The following ZNF385B variants were observed in gnomAD, a reference collection of about 807,000 sequenced individuals.
ZNF385B encodes zinc finger protein 385B.
A neutral mutation model predicts 39.2 loss-of-function variants in ZNF385B; 23 were observed. The observed-to-expected ratio is 0.59, with a 90% confidence interval of 0.42 to 0.83. The LOEUF is 0.83. Ranked by LOEUF, ZNF385B falls within the 40% of genes least tolerant of loss-of-function variation. ZNF385B has a pLI of 0.00. For synonymous variants in ZNF385B, 205 were observed against 222.6 expected (o/e 0.92, Z 0.70); for missense variants, 552 against 598.9 (o/e 0.92, Z 0.82).
At chr2:179,806,131 G>T (rs1706335272) in intron 1 of ZNF385B, among the ~76,000 whole-genome samples, 1 of 152,044 alleles carries the variant, frequency 6.6e-6, no homozygotes, top group Non-Finnish European at 1.5e-5. Flanking sequence ...CATAAACAAT[G>T]TTAAAAGACA....
chr2:179,723,019 C>A (rs911906616), intron 3 of ZNF385B, among the ~76,000 whole-genome samples: 4 of 152,142 alleles, frequency 2.6e-5, no homozygotes, highest in African/African-American at 9.7e-5. Flanking sequence ...CATTTCACAA[C>A]CACCAGATTG....
intron 1 of ZNF385B, among the ~76,000 whole-genome samples, chr2:179,860,666 C>T (rs1174558576): frequency 6.6e-6 from 1 of 152,132 alleles, no homozygotes; most frequent in Non-Finnish European, 1.5e-5. Context: ...TCACACACCT[C>T]GGTCCCCTAA....
chr2:179,623,150 A>G (rs1690359059), intron 3 of ZNF385B, among the ~76,000 whole-genome samples: 1 of 152,234 alleles, frequency 6.6e-6, no homozygotes. Flanking sequence ...TATTTAAACT[A>G]GAACAGAAAA....
At chr2:179,779,696 C>T (rs1438182922) in intron 1 of ZNF385B, among the ~76,000 whole-genome samples, 1 of 152,128 alleles carries the variant, frequency 6.6e-6, no homozygotes, top group African/African-American at 2.4e-5. Context: ...ATCCCATCCA[C>T]ATGTCTTGCT....
At chr2:179,534,076 G>A (rs574774317) in intron 4 of ZNF385B, among the ~76,000 whole-genome samples, 1 of 152,148 alleles carries the variant, frequency 6.6e-6, no homozygotes, top group Non-Finnish European at 1.5e-5. Context: ...GCAGTCAAGT[G>A]ACTGTGATCT....
At chr2:179,601,689 G>A (rs1688421774) in intron 3 of ZNF385B, among the ~76,000 whole-genome samples, 1 of 152,064 alleles carries the variant, frequency 6.6e-6, no homozygotes, top group Non-Finnish European at 1.5e-5. Context: ...TTATATATAT[G>A]AGTTACTTGA....
intron 1 of ZNF385B, among the ~76,000 whole-genome samples, chr2:179,821,838 A>G (rs1707415175): frequency 1.3e-5 from 2 of 152,136 alleles, no homozygotes; most frequent in Admixed American, 1.3e-4. Flanking sequence ...GAAATGGTAC[A>G]GTTCATAATT....
chr2:179,721,890 T>C lies in ZNF385B; in HGVS notation c.298+47613A>G, dbSNP rs1331163587. On this transcript the variant is annotated intron_variant, in intron 3 of 9. Transcript: ENST00000410066. The stretch of plus-strand genomic sequence containing the variant: ...ACAAAAACAAACAAACAAAAAACAA[T>C]ACAAGGTCTAAGAAATAGAGAAGAT... Among the ~76,000 whole-genome samples the C allele has an allele frequency of 2.6e-5, 4 of 151,872 alleles. No homozygotes were observed. The East Asian group carries it at 5.8e-4, about 22-fold the overall frequency.
intron 5 of ZNF385B, among the ~76,000 whole-genome samples, chr2:179,493,732 T>C (rs370817734): frequency 2.2e-4 from 31 of 139,670 alleles, no homozygotes; most frequent in Non-Finnish European, 4.1e-4. Context: ...CGTATATACA[T>C]ATATGTATAC....
intron 1 of ZNF385B, among the ~76,000 whole-genome samples, chr2:179,799,267 G>C (rs1705877914): frequency 6.6e-6 from 1 of 151,988 alleles, no homozygotes; most frequent in South Asian, 2.1e-4. Flanking sequence ...TTGATGATTA[G>C]TTTTAAAAGC....
At chr2:179,617,700 T>C (rs1373354221) in intron 3 of ZNF385B, among the ~76,000 whole-genome samples, 1 of 152,164 alleles carries the variant, frequency 6.6e-6, no homozygotes, top group African/African-American at 2.4e-5. Context: ...GGGACATCAA[T>C]TTGAGAACTA....
chr2:179,682,370 C>A (rs1046025133), intron 3 of ZNF385B, among the ~76,000 whole-genome samples: 2 of 152,250 alleles, frequency 1.3e-5, no homozygotes, highest in African/African-American at 4.8e-5. Context: ...CTATTTCCTA[C>A]TGTTCCTGTT....
chr2:179,824,379 A>C (rs991737034), intron 1 of ZNF385B, among the ~76,000 whole-genome samples: 4 of 152,188 alleles, frequency 2.6e-5, no homozygotes, highest in African/African-American at 9.7e-5. Context: ...GTCAGACAAC[A>C]AATGTTAACT....
At chr2:179,681,375 C>G (rs1286718627) in intron 3 of ZNF385B, among the ~76,000 whole-genome samples, 1 of 152,102 alleles carries the variant, frequency 6.6e-6, no homozygotes, top group African/African-American at 2.4e-5. Context: ...TGTTCAGGGA[C>G]TCTATGTTCT....
At chr2:179,751,793 AAACT>A (rs1226912361) in intron 3 of ZNF385B, among the ~76,000 whole-genome samples, 1 of 152,074 alleles carries the variant, frequency 6.6e-6, no homozygotes, top group East Asian at 1.9e-4. Context: ...TCCCACATCC[AAACT>A]ACTACTCCAC....
intron 3 of ZNF385B, among the ~76,000 whole-genome samples, chr2:179,584,777 G>C (rs965623702): frequency 3.3e-5 from 5 of 152,102 alleles, no homozygotes; most frequent in Middle Eastern, 3.2e-3. Context: ...TTCCATTTCT[G>C]AAACATAGGG....
intron 3 of ZNF385B, among the ~76,000 whole-genome samples, chr2:179,636,028 A>G (rs1395296225): frequency 6.6e-6 from 1 of 152,234 alleles, no homozygotes; most frequent in African/African-American, 2.4e-5. Flanking sequence ...AAAATGTATG[A>G]TGCATTTATA....
chr2:179,557,785 T>G (rs1402421703), intron 3 of ZNF385B, among the ~76,000 whole-genome samples: 2 of 152,010 alleles, frequency 1.3e-5, no homozygotes, highest in Admixed American at 1.3e-4. Flanking sequence ...GTATATTGTA[T>G]GATGCTGAGG....
chr2:179,800,034 AT>A (rs1705930151), intron 1 of ZNF385B, among the ~76,000 whole-genome samples: 1 of 152,102 alleles, frequency 6.6e-6, no homozygotes, highest in African/African-American at 2.4e-5. Flanking sequence ...CAGATAAAAC[AT>A]TTTCGAATAA....
Sources: gnomAD v4.1 joint callset for allele counts (sites outside exome capture counted in the v4.1 genomes callset) on GRCh38, gnomAD v4.1.1 for gene constraint, MANE v1.5 for transcripts, NCBI Gene and HGNC (gene_info 2026-07-23, HGNC 2026-07-21) for gene names.